PLEKHH1: variants seen among roughly 807,000 people sequenced by gnomAD.
The protein encoded by PLEKHH1 is pleckstrin homology, MyTH4 and FERM domain containing H1.
A neutral mutation model predicts 160.0 loss-of-function variants in PLEKHH1; 104 were observed. That is an observed-to-expected ratio of 0.65 (90% CI 0.55 to 0.76). The LOEUF (loss-of-function observed/expected upper bound fraction) is 0.76, where lower values mean the gene tolerates loss of function less well. PLEKHH1 is among the 30% of genes least tolerant of loss of function. The pLI is 0.00. For synonymous variants in PLEKHH1, 619 were observed against 678.4 expected (o/e 0.91, Z 1.36); for missense variants, 1,427 against 1,724.1 (o/e 0.83, Z 3.05).
chr14:67,575,784 C>G (rs1270857648), intron 15 of PLEKHH1, 39 bp from the exon 16 acceptor site: 1 of 1,539,202 alleles, frequency 6.5e-7, no homozygotes, highest in Non-Finnish European at 8.9e-7. Flanking sequence ...CCCTCATCCC[C>G]CACTGGCTCT....
rs1594781575 is a variant in PLEKHH1, at chr14:67,574,237, C to T, written c.1927-5C>T. ...TGCCCCACCCCCATATCTCGCCCTC[C>T]ACAGCTCATCTCTGAGAAGAAAACC... On this transcript the variant is annotated splice_region_variant and splice_polypyrimidine_tract_variant and intron_variant, in intron 13 of 28. Coordinates refer to ENST00000329153, the MANE Select transcript of PLEKHH1 (RefSeq NM_020715.3). The surrounding 1 kb of genome is among the most constrained non-coding windows in gnomAD (Gnocchi z 4.2). 1.3e-6 allele frequency: 2 copies of T among 1,593,070 alleles called. No homozygotes were observed. Among genetic ancestry groups the T allele is most frequent in the Non-Finnish European group, 1.7e-6 (2 of 1,169,528 alleles).
rs933357888 is a variant in PLEKHH1, at chr14:67,571,804, A to G, written c.1487A>G (p.Asp496Gly). Residue 496 changes from aspartate (D) to glycine (G), a missense_variant, in exon 10 of 29, where the codon GAC (aspartate) becomes GGC (glycine). Transcript: ENST00000329153. ...MPFMDESSGS[D>G]DDCSSQASFR... ...TTTATGGACGAGTCCTCTGGGTCTG[A>G]CGATGACTGCAGCTCTCAGGCGAGT... The G allele has an allele frequency of 3.1e-6, 5 of 1,613,934 alleles. No homozygotes were observed. Among genetic ancestry groups the G allele is most frequent in the Non-Finnish European group, 4.2e-6 (5 of 1,179,842 alleles).
chr14:67,565,564 C>T (rs901825361), intron 7 of PLEKHH1, among the ~76,000 whole-genome samples: 2 of 152,170 alleles, frequency 1.3e-5, no homozygotes, highest in South Asian at 4.1e-4. Flanking sequence ...GCTTTGAAGC[C>T]CAGCTCTCAC....
At chr14:67,553,901 C>G (rs1859519811) in intron 2 of PLEKHH1, among the ~76,000 whole-genome samples, 1 of 152,138 alleles carries the variant, frequency 6.6e-6, no homozygotes, top group Non-Finnish European at 1.5e-5. Flanking sequence ...AGTAGTGTTA[C>G]CGCAAGAGAG....
chr14:67,569,214 G>A lies in PLEKHH1; in HGVS notation c.1340G>A (p.Cys447Tyr). The A allele has an allele frequency of 6.2e-7, 1 of 1,609,282 alleles. No individual in the cohort carries two copies. Among genetic ancestry groups the A allele is most frequent in the South Asian group, 1.1e-5 (1 of 90,988 alleles). The change falls in exon 8 of 29, where the codon TGC (cysteine) becomes TAC (tyrosine). Residue 447 changes from cysteine (C) to tyrosine (Y), a missense_variant and splice_region_variant. Coordinates refer to ENST00000329153, the MANE Select transcript of PLEKHH1 (RefSeq NM_020715.3). Reference protein sequence around the residue: ...DMSPRSNTACCASSPPALVSP... With the variant: ...DMSPRSNTACYASSPPALVSP... Reference sequence around the variant, plus strand: ...TCTCCCAGAAGTAATACTGCATGCTGCGGTGAGTTCCAAGTGAGGCTTGGA... The same window carrying A: ...TCTCCCAGAAGTAATACTGCATGCTACGGTGAGTTCCAAGTGAGGCTTGGA...
chr14:67,562,725 AGTCCCGAGCTAG>A lies in PLEKHH1; in HGVS notation c.1101_1112del (p.Ala368_Arg371del), dbSNP rs1269217106. 1 of 1,613,368 alleles carries A rather than the reference AGTCCCGAGCTAG, an allele frequency of 6.2e-7. No individual in the cohort carries two copies. The highest frequency in any genetic ancestry group is 2.2e-5 in the East Asian group (1 of 44,866). ...CACCCCTCTGGCCTTCCTGAGCTGG[AGTCCCGAGCTAG>A]GTCCCGGGAGGAACCAGAGAAGATG... is the stretch of plus-strand genomic sequence containing the variant. On this transcript the variant is annotated inframe_deletion, in exon 7 of 29. Coordinates refer to ENST00000329153, the MANE Select transcript of PLEKHH1 (RefSeq NM_020715.3).
chr14:67,540,625 CA>C (rs61700275), intron 1 of PLEKHH1, among the ~76,000 whole-genome samples: 10,289 of 122,946 alleles, frequency 0.084, 931 homozygotes, highest in African/African-American at 0.25. Flanking sequence ...GACTCTCCCT[CA>C]AAAAAAAAAA....
intron 4 of PLEKHH1, among the ~76,000 whole-genome samples, chr14:67,558,336 A>G (rs1335919956): frequency 2.6e-5 from 4 of 152,158 alleles, no homozygotes; most frequent in African/African-American, 9.7e-5. Flanking sequence ...GTGCCTTCCA[A>G]CCATAATGGG....
intron 1 of PLEKHH1, among the ~76,000 whole-genome samples, chr14:67,536,589 G>A (rs963584228): frequency 6.6e-6 from 1 of 151,802 alleles, no homozygotes; most frequent in Non-Finnish European, 1.5e-5. Context: ...GGTGACCTCT[G>A]ACCTCTTTCT....
chr14:67,573,959 C>T lies in PLEKHH1; in HGVS notation c.1926+72C>T. On this transcript the variant is annotated intron_variant, in intron 13 of 28. Coordinates refer to ENST00000329153, the MANE Select transcript of PLEKHH1 (RefSeq NM_020715.3). This position sits in a 1 kb window ranked among gnomAD's most constrained non-coding sequence, Gnocchi z 4.8. ...GGTTTGGATATGGCCGTGAGTGAGA[C>T]AAAGATGGGGCCAAATGAGCATGAA... 1 of 1,105,742 alleles carries T rather than the reference C, an allele frequency of 9.0e-7. No homozygotes were observed. Among genetic ancestry groups the T allele is most frequent in the South Asian group, 1.2e-5 (1 of 80,108 alleles). The allele number at this position is 1,105,742 out of a possible 1,614,324, so 68.5% of individuals were successfully genotyped here.
intron 2 of PLEKHH1, among the ~76,000 whole-genome samples, chr14:67,554,067 C>T (rs2034499002): frequency 6.6e-6 from 1 of 152,172 alleles, no homozygotes; most frequent in Non-Finnish European, 1.5e-5. Flanking sequence ...CTCTAACTCT[C>T]TGTCCAAGGG....
rs1427541736 is a variant in PLEKHH1 at position 67,533,298 on chromosome 14, C to G, written c.-135C>G. ...CCGGGGAGGGGAGAACCGGCGGCAG[C>G]CCGGGACTCCGGCGAGAGCGACGCA... On this transcript the variant is annotated 5_prime_UTR_variant, in exon 1 of 29. Coordinates refer to ENST00000329153, the MANE Select transcript of PLEKHH1 (RefSeq NM_020715.3). 6.6e-6 allele frequency: 1 copy of G among 151,844 alleles called. No homozygotes were observed. The highest frequency in any genetic ancestry group is 1.5e-5 in the Non-Finnish European group (1 of 67,892). The allele number at this position is 151,844 out of a possible 1,614,324, so 9.4% of individuals were successfully genotyped here. A position where few individuals can be genotyped will look rare whatever the true frequency, so the allele number is the denominator to read the frequency against.
Position 67,582,079 on chromosome 14 carries a change from C to A in PLEKHH1, c.3295C>A (p.Arg1099Ser), listed in dbSNP as rs756012004. ...TTCTCTTCTTTGTAGGCTGTACTTT[C>A]GCAGTCAAGTCAAAGGGGAGACGGA... Reference protein sequence around the residue: ...KLMYKNRLYFRSQVKGETDRE... With the variant: ...KLMYKNRLYFSSQVKGETDRE... Residue 1099 changes from arginine to serine, a missense_variant, in exon 24 of 29, where the codon CGC becomes AGC. By Grantham distance (110) the Arg-to-Ser change is moderately radical. This residue lies in a region of PLEKHH1 where 436 missense variants were observed against 607.5 expected (regional missense o/e 0.72). Coordinates refer to ENST00000329153, the MANE Select transcript of PLEKHH1 (RefSeq NM_020715.3). This position sits in a 1 kb window ranked among gnomAD's most constrained non-coding sequence, Gnocchi z 5.0. The A allele has an allele frequency of 6.2e-7, 1 of 1,610,232 alleles. No individual in the cohort carries two copies. Among genetic ancestry groups the A allele is most frequent in the South Asian group, 1.1e-5 (1 of 90,338 alleles).
At chr14:67,572,005 A>AC in intron 10 of PLEKHH1, 103 bp downstream of exon 10, 1 of 1,482,010 alleles carries the variant, frequency 6.7e-7, no homozygotes, top group Non-Finnish European at 9.1e-7. Flanking sequence ...TGAGCTCGTG[A>AC]CCCCCCAGCA....
At chr14:67,556,704 A>G (rs902005624) in intron 3 of PLEKHH1, among the ~76,000 whole-genome samples, 1 of 152,224 alleles carries the variant, frequency 6.6e-6, no homozygotes, top group African/African-American at 2.4e-5. Flanking sequence ...CCTGGGCAAT[A>G]TAGCAAGATC....
chr14:67,557,245 C>G, intron 3 of PLEKHH1, 24 bp from the exon 4 acceptor site: 2 of 1,609,944 alleles, frequency 1.2e-6, no homozygotes, highest in Non-Finnish European at 1.7e-6. Context: ...TGGGAAGACA[C>G]TATGAGATCA....
At position 67,576,275 on chromosome 14, in the gene PLEKHH1, A is replaced by G; in HGVS notation, c.2353-120A>G. ...CAGTCTTTCCAGGTAGCCCTGACTCATGCCAACCAAACTAGCTGAACCCCA... is the reference window on the plus strand; with the variant it reads ...CAGTCTTTCCAGGTAGCCCTGACTCGTGCCAACCAAACTAGCTGAACCCCA... On this transcript the variant is annotated intron_variant, in intron 16 of 28. Coordinates refer to ENST00000329153, the MANE Select transcript of PLEKHH1 (RefSeq NM_020715.3). The surrounding 1 kb of genome is among the most constrained non-coding windows in gnomAD (Gnocchi z 4.0). 6 of 640,168 alleles carry G rather than the reference A, an allele frequency of 9.4e-6. No individual in the cohort carries two copies. The highest frequency in any genetic ancestry group is 1.6e-5 in the Non-Finnish European group (6 of 368,738). 39.7% of individuals were successfully genotyped at this position (640,168 alleles called of 1,614,324 possible).
chr14:67,562,637 C>A lies in PLEKHH1; in HGVS notation c.1006C>A (p.Gln336Lys), dbSNP rs758625156. The change falls in exon 7 of 29, where the codon CAG becomes AAG. Residue 336 changes from glutamine to lysine, a missense_variant. Coordinates refer to ENST00000329153, the MANE Select transcript of PLEKHH1 (RefSeq NM_020715.3). ...QLAKRHHSQP[Q>K]VGHGHFGRVV... ...GGCCAAAAGGCACCACAGCCAGCCC[C>A]AGGTGGGCCATGGGCACTTTGGCCG... 1.1e-5 allele frequency: 17 copies of A among 1,613,054 alleles called. No individual in the cohort carries two copies. The highest frequency in any genetic ancestry group is 1.4e-5 in the Non-Finnish European group (16 of 1,179,550).
rs1358245496 is a variant in PLEKHH1 at position 67,576,018 on chromosome 14, G to T, written c.2352+13G>T. 1 of 1,594,172 alleles carries T rather than the reference G, an allele frequency of 6.3e-7. No homozygotes were observed. The highest frequency in any genetic ancestry group is 1.1e-5 in the South Asian group (1 of 89,648). On this transcript the variant is annotated intron_variant, in intron 16 of 28. Coordinates refer to ENST00000329153, the MANE Select transcript of PLEKHH1 (RefSeq NM_020715.3). The surrounding 1 kb of genome is among the most constrained non-coding windows in gnomAD (Gnocchi z 4.0). The stretch of plus-strand genomic sequence containing the variant: ...CAAGCATGAAAAGGTAAGGAAGAGG[G>T]CTGGGCCTCCAGGGCCAAGCTTGGA...
Sources: allele counts gnomAD v4.1 joint callset (sites outside exome capture counted in the v4.1 genomes callset), GRCh38; gene constraint gnomAD v4.1.1; regional missense constraint gnomAD v4.1.1; non-coding constraint Gnocchi (gnomAD v3.1); transcripts MANE v1.5; gene names NCBI Gene and HGNC (gene_info 2026-07-23, HGNC 2026-07-21).